The following DAB1 variants were observed in gnomAD, a reference collection of about 807,000 sequenced individuals.
DAB1 encodes the protein DAB adaptor protein 1.
Under a neutral mutation model 64.6 loss-of-function variants are expected in DAB1, and 15 were observed. That is an observed-to-expected ratio of 0.23 (90% CI 0.16 to 0.36). The LOEUF (loss-of-function observed/expected upper bound fraction) is 0.36. DAB1 is among the 10% of genes least tolerant of loss of function. DAB1 has a pLI of 1.00. For synonymous variants in DAB1, 235 were observed against 251.9 expected (o/e 0.93, Z 0.64); for missense variants, 596 against 706.7 (o/e 0.84, Z 1.78).
chr1:58,093,972 T>C (rs1189309215), intron 5 of DAB1, among the ~76,000 whole-genome samples: 3 of 152,148 alleles, frequency 2.0e-5, no homozygotes, highest in Non-Finnish European at 1.5e-5. Flanking sequence ...GCTCCTGCAT[T>C]ATTAGCTGGT....
chr1:57,872,419 C>T (rs1315609496), intron 1 of DAB1, among the ~76,000 whole-genome samples: 1 of 152,212 alleles, frequency 6.6e-6, no homozygotes, highest in African/African-American at 2.4e-5. Context: ...ACTCATCAGA[C>T]ACCAAATCTG....
At chr1:58,535,403 T>C (rs1377674105) in intron 1 of DAB1, among the ~76,000 whole-genome samples, 1 of 152,084 alleles carries the variant, frequency 6.6e-6, no homozygotes, top group Non-Finnish European at 1.5e-5. Flanking sequence ...AAGACCATCC[T>C]GGCCAACACG....
chr1:58,064,614 A>G (rs896318020), intron 5 of DAB1, among the ~76,000 whole-genome samples: 1 of 152,220 alleles, frequency 6.6e-6, no homozygotes, highest in African/African-American at 2.4e-5. Context: ...GGGGACTCCA[A>G]GGCTGAGGCC....
intron 5 of DAB1, among the ~76,000 whole-genome samples, chr1:57,915,129 TAAAAA>T (rs11321322): frequency 8.5e-6 from 1 of 117,354 alleles, no homozygotes; most frequent in African/African-American, 3.2e-5. Flanking sequence ...CTTTAAATCA[TAAAAA>T]AAAAAAAAAA....
Position 58,148,779 on chromosome 1 carries a change from C to A in DAB1, n.387+1732G>T, listed in dbSNP as rs559429952. Among the ~76,000 whole-genome samples the A allele has an allele frequency of 1.6e-4, 24 of 151,814 alleles. 1 individual carries two copies. The East Asian group carries it at 1.9e-3, about 12-fold the overall frequency. Reference sequence around the variant, plus strand: ...TGAGAGCAGCACAGAAATCACACCCCCCCCCCAACCTCATGATTCAATTAC... The same window carrying A: ...TGAGAGCAGCACAGAAATCACACCCACCCCCCAACCTCATGATTCAATTAC... On this transcript the variant is annotated intron_variant and non_coding_transcript_variant, in intron 5 of 20. Transcript: ENST00000485760.
chr1:58,330,459 T>C (rs12730076), intron 4 of DAB1, among the ~76,000 whole-genome samples: 15,614 of 152,316 alleles, frequency 0.1, 1,054 homozygotes, highest in Non-Finnish European at 0.15. Flanking sequence ...AGATAATTTA[T>C]GAAAGTACTA....
rs1251097275 is a variant in DAB1 at position 57,509,842 on chromosome 1, T to C, written n.625+139750A>G. On this transcript the variant is annotated intron_variant and non_coding_transcript_variant, in intron 7 of 20. Coordinates refer to the DAB1 transcript ENST00000485760. ...CCATCATCCACCAACTGTGTCGTTA[T>C]AGTTCCCATTTAAAACAAATGACAG... Among the ~76,000 whole-genome samples the C allele has an allele frequency of 2.0e-5, 3 of 152,212 alleles. No individual in the cohort carries two copies. In the East Asian group the frequency reaches 5.8e-4, roughly 29 times the overall value.
At chr1:58,520,454 T>C (rs968107471) in intron 2 of DAB1, among the ~76,000 whole-genome samples, 1 of 152,072 alleles carries the variant, frequency 6.6e-6, no homozygotes, top group Non-Finnish European at 1.5e-5. Context: ...GAAGTGCCAA[T>C]AGACACATAA....
intron 4 of DAB1, among the ~76,000 whole-genome samples, chr1:57,115,521 A>C (rs374674124): frequency 3.3e-5 from 5 of 152,320 alleles, no homozygotes; most frequent in African/African-American, 1.2e-4. Flanking sequence ...TGGCGCTTGA[A>C]ATGAGCCCAG....
At chr1:57,569,737 A>T (rs1000202126) in intron 7 of DAB1, among the ~76,000 whole-genome samples, 2 of 152,186 alleles carry the variant, frequency 1.3e-5, no homozygotes, top group African/African-American at 2.4e-5. Context: ...CCTAGAACCT[A>T]AAGTATACTA....
At chr1:57,624,763 T>A (rs901974029) in intron 7 of DAB1, among the ~76,000 whole-genome samples, 4 of 152,230 alleles carry the variant, frequency 2.6e-5, no homozygotes, top group African/African-American at 4.8e-5. Flanking sequence ...GTTAAGCTAA[T>A]GAAGATCTGT....
At chr1:57,645,165 C>T (rs1021806594) in intron 7 of DAB1, among the ~76,000 whole-genome samples, 2 of 152,144 alleles carry the variant, frequency 1.3e-5, no homozygotes, top group Non-Finnish European at 2.9e-5. Flanking sequence ...CCCAAGTCTC[C>T]CTGTGGCCTA....
chr1:57,968,877 T>C (rs930634144), intron 5 of DAB1, among the ~76,000 whole-genome samples: 1 of 152,170 alleles, frequency 6.6e-6, no homozygotes, highest in Non-Finnish European at 1.5e-5. Flanking sequence ...ACTCTAGTTC[T>C]TTCTGAATTC....
chr1:57,649,405 C>T (rs889988986), intron 7 of DAB1, among the ~76,000 whole-genome samples: 2 of 152,034 alleles, frequency 1.3e-5, no homozygotes, highest in East Asian at 1.9e-4. Context: ...AACACAAAGC[C>T]GACTAGAGAA....
rs187686546 is a variant in DAB1 at position 57,304,183 on chromosome 1, T to C, written c.-136-13017A>G. ...GTAAAGCAGGAGCAGGCACTTCACGTGGTGAAAACAGGAGCAGGAGAGAAG... is the reference window on the plus strand; with the variant it reads ...GTAAAGCAGGAGCAGGCACTTCACGCGGTGAAAACAGGAGCAGGAGAGAAG... On this transcript the variant is annotated intron_variant, in intron 1 of 14. Coordinates refer to ENST00000371236, the MANE Select transcript of DAB1 (RefSeq NM_001365792.1). 3.6e-3 allele frequency among the ~76,000 whole-genome samples: 548 copies of C among 152,262 alleles called. 4 individuals are homozygous for C. The highest frequency in any genetic ancestry group is 0.012 in the African/African-American group (515 of 41,550).
At chr1:58,004,067 T>C (rs1212450547) in intron 5 of DAB1, among the ~76,000 whole-genome samples, 1 of 152,184 alleles carries the variant, frequency 6.6e-6, no homozygotes, top group African/African-American at 2.4e-5. Context: ...GCACAGGATC[T>C]ACAATACAGA....
chr1:57,073,816 T>C (rs1050022564), intron 4 of DAB1, among the ~76,000 whole-genome samples: 1 of 152,216 alleles, frequency 6.6e-6, no homozygotes, highest in Non-Finnish European at 1.5e-5. Context: ...CAGAAATATG[T>C]AATTATTCCT....
At position 58,492,637 on chromosome 1, in the gene DAB1, C is replaced by T. The variant is rs545662196; in HGVS notation, n.257+13423G>A. 3.6e-3 allele frequency among the ~76,000 whole-genome samples: 555 copies of T among 152,268 alleles called. 10 individuals are homozygous for T. Among genetic ancestry groups the T allele is most frequent in the East Asian group, 1.2e-3 (6 of 5,188 alleles). On this transcript the variant is annotated intron_variant and non_coding_transcript_variant, in intron 3 of 20. Coordinates refer to the DAB1 transcript ENST00000485760. ...CTACCATCAGAGAATACTATAAACACCTCTACACAAATAAACTAGAAAATC... is the reference window on the plus strand; with the variant it reads ...CTACCATCAGAGAATACTATAAACATCTCTACACAAATAAACTAGAAAATC...
intron 1 of DAB1, among the ~76,000 whole-genome samples, chr1:58,532,999 T>A (rs543989657): frequency 6.6e-6 from 1 of 152,218 alleles, no homozygotes. Context: ...CCATTTGAAG[T>A]TAATGTTACT....
Sources: gnomAD v4.1 joint callset for allele counts (sites outside exome capture counted in the v4.1 genomes callset) on GRCh38, gnomAD v4.1.1 for gene constraint, MANE v1.5 for transcripts, NCBI Gene and HGNC (gene_info 2026-07-23, HGNC 2026-07-21) for gene names.